Variants in CDH2 observed in about 807,000 individuals in gnomAD.
The protein encoded by CDH2 is cadherin 2, also known as cadherin-2.
In CDH2, 17 loss-of-function variants were observed where a neutral mutation model predicts 92.0. The ratio of observed to expected loss-of-function variants is 0.18; its 90% CI spans 0.13 to 0.28. CDH2 has a LOEUF of 0.28. CDH2 is among the 10% of genes least tolerant of loss of function. The pLI is 1.00. For synonymous variants in CDH2, 419 were observed against 415.9 expected, an observed-to-expected ratio of 1.01 and a Z score of -0.09; for missense variants, 862 against 1,133.1, an observed-to-expected ratio of 0.76 and a Z score of 3.44.
chr18:27,982,683 C>T (rs1402737802), intron 14 of CDH2, among the ~76,000 whole-genome samples: 1 of 150,438 alleles, frequency 6.6e-6, no homozygotes, highest in Non-Finnish European at 1.5e-5. Context: ...GTATATTTAT[C>T]ATTACACAGA....
intron 7 of CDH2, among the ~76,000 whole-genome samples, chr18:28,002,169 T>C (rs1237559572): frequency 6.6e-6 from 1 of 152,114 alleles, no homozygotes; most frequent in Non-Finnish European, 1.5e-5. Flanking sequence ...ATATGAGCAG[T>C]GCTTGAATCA....
chr18:28,124,192 A>G (rs951792279), intron 2 of CDH2, among the ~76,000 whole-genome samples: 5 of 151,988 alleles, frequency 3.3e-5, no homozygotes, highest in Admixed American at 2.0e-4. Flanking sequence ...TAAATGATGC[A>G]TACAGGGAGG....
intron 6 of CDH2, among the ~76,000 whole-genome samples, chr18:27,942,773 C>T (rs1191490876): frequency 6.6e-6 from 1 of 152,116 alleles, no homozygotes; most frequent in East Asian, 1.9e-4. Context: ...GAAAATGAAA[C>T]ATGTCGGCCA....
chr18:27,989,383 T>G (rs988345703), intron 10 of CDH2, among the ~76,000 whole-genome samples: 8 of 152,332 alleles, frequency 5.3e-5, no homozygotes, highest in African/African-American at 1.9e-4. Flanking sequence ...ATTAACTGGC[T>G]ATTTATTAAT....
At chr18:28,162,079 T>A (rs1173399846) in intron 1 of CDH2, among the ~76,000 whole-genome samples, 1 of 152,218 alleles carries the variant, frequency 6.6e-6, no homozygotes, top group Non-Finnish European at 1.5e-5. Context: ...GTTCTCTATG[T>A]ACTGATTCTT....
chr18:28,166,307 T>C (rs1014675904), intron 1 of CDH2, among the ~76,000 whole-genome samples: 25 of 151,718 alleles, frequency 1.6e-4, no homozygotes, highest in Non-Finnish European at 2.8e-4. Context: ...CCCTAAAATG[T>C]TATACGCAAT....
intron 15 of CDH2, among the ~76,000 whole-genome samples, chr18:27,956,090 T>A (rs2011239420): frequency 6.6e-6 from 1 of 152,172 alleles, no homozygotes; most frequent in Non-Finnish European, 1.5e-5. Context: ...AGGCACGAAA[T>A]CTGAGTGAAT....
At chr18:28,171,769 G>C (rs2016467883) in intron 1 of CDH2, among the ~76,000 whole-genome samples, 1 of 152,116 alleles carries the variant, frequency 6.6e-6, no homozygotes, top group Non-Finnish European at 1.5e-5. Context: ...CAGTCTCTTA[G>C]AGATCAACTA....
At chr18:28,002,443 T>C (rs372721579) in intron 7 of CDH2, among the ~76,000 whole-genome samples, 3 of 152,234 alleles carry the variant, frequency 2.0e-5, no homozygotes, top group African/African-American at 7.2e-5. Flanking sequence ...TTTCTAACTT[T>C]AAATACTTGT....
chr18:28,090,511 C>T (rs2015017710), intron 2 of CDH2, among the ~76,000 whole-genome samples: 1 of 152,098 alleles, frequency 6.6e-6, no homozygotes. Context: ...AGCTTCTTCC[C>T]CCCAGGCAGC....
At chr18:27,968,652 A>G (rs2011585612) in intron 14 of CDH2, among the ~76,000 whole-genome samples, 1 of 152,216 alleles carries the variant, frequency 6.6e-6, no homozygotes, top group African/African-American at 2.4e-5. Flanking sequence ...GTGATGAAAC[A>G]CAACAGTTTT....
At chr18:27,982,463 G>T (rs778633339) in intron 14 of CDH2, among the ~76,000 whole-genome samples, 46 of 152,282 alleles carry the variant, frequency 3.0e-4, no homozygotes, top group African/African-American at 9.9e-4. Flanking sequence ...TCACAAGAAT[G>T]TAAGACTCTT....
intron 2 of CDH2, among the ~76,000 whole-genome samples, chr18:28,094,085 T>G (rs1285295372): frequency 6.6e-6 from 1 of 152,216 alleles, no homozygotes; most frequent in African/African-American, 2.4e-5. Flanking sequence ...GGAGAAAATA[T>G]ATCCTTCTAC....
intron 7 of CDH2, among the ~76,000 whole-genome samples, chr18:28,002,420 G>C (rs776714578): frequency 3.3e-5 from 5 of 152,170 alleles, no homozygotes; most frequent in African/African-American, 4.8e-5. Context: ...TTTCAGAAAT[G>C]TGTTTCTTTG....
intron 1 of CDH2, among the ~76,000 whole-genome samples, chr18:28,164,665 GACAC>G (rs143584290): frequency 1.3e-5 from 2 of 150,882 alleles, no homozygotes; most frequent in Non-Finnish European, 3.0e-5. Flanking sequence ...CACACACACA[GACAC>G]ACACACACAC....
chr18:27,937,477 A>T (rs1038036043), intron 6 of CDH2, among the ~76,000 whole-genome samples: 2 of 152,214 alleles, frequency 1.3e-5, no homozygotes, highest in Non-Finnish European at 2.9e-5. Context: ...CATGTGCAAA[A>T]TAAAAGATTG....
chr18:28,019,619 G>A (rs1241966730), intron 2 of CDH2, among the ~76,000 whole-genome samples: 1 of 152,102 alleles, frequency 6.6e-6, no homozygotes, highest in East Asian at 1.9e-4. Context: ...TCTGACACTA[G>A]AGAAAACACT....
chr18:27,963,819 T>G, intron 14 of CDH2: 1 of 289,656 alleles, frequency 3.5e-6, no homozygotes, highest in East Asian at 6.9e-5. Context: ...AAAAACCGAC[T>G]AGACAATATA....
At chr18:28,059,469 A>G (rs1291995889) in intron 2 of CDH2, among the ~76,000 whole-genome samples, 1 of 152,218 alleles carries the variant, frequency 6.6e-6, no homozygotes, top group South Asian at 2.1e-4. Flanking sequence ...TGGGTTTCAG[A>G]TAGTTAACAG....
Sources: gnomAD v4.1 joint callset for allele counts (sites outside exome capture counted in the v4.1 genomes callset) on GRCh38, gnomAD v4.1.1 for gene constraint, MANE v1.5 for transcripts, NCBI Gene and HGNC (gene_info 2026-07-23, HGNC 2026-07-21) for gene names.